The following ESPNL variants were observed in gnomAD, a reference collection of about 807,000 sequenced individuals.
ESPNL encodes the protein espin like, also known as espin-like protein.
Under a neutral mutation model 46.8 loss-of-function variants are expected in ESPNL, and 49 were observed. The observed-to-expected ratio is 1.05, with a 90% CI of 0.83 to 1.33. The LOEUF (loss-of-function observed/expected upper bound fraction) is 1.33, where lower values mean the gene tolerates loss of function less well. Among genes scored for constraint, ESPNL ranks in the 40% most tolerant of loss-of-function variants. The pLI, the probability that ESPNL is intolerant of heterozygous loss-of-function variation, is 0.00. For missense variants in ESPNL, 1,540 were observed against 1,436.6 expected (o/e 1.07, Z -1.16); for synonymous variants, 664 against 662.1 (o/e 1.00, Z -0.04).
rs994733458 is a variant in ESPNL, at chr2:238,127,660, C to T, written c.1141C>T (p.Gln381Ter). Residue 381 changes from glutamine (Q) to a stop codon, truncating the protein, a stop_gained, in exon 7 of 9, where the codon CAG (glutamine) becomes TAG (stop). Coordinates refer to ENST00000343063, the MANE Select transcript of ESPNL (RefSeq NM_194312.4). LOFTEE classifies it high-confidence loss of function. The stretch of plus-strand genomic sequence containing the variant: ...CCCGGCCTGGCCTGGCCATCCTGAC[C>T]AGCCTCTTCCCAGGGAGCAGATGAC... ...LSPAWPGHPD[Q>*]PLPREQMTSP... The T allele has an allele frequency of 6.2e-7, 1 of 1,612,538 alleles. No individual in the cohort carries two copies. The highest frequency in any genetic ancestry group is 1.3e-5 in the African/African-American group (1 of 75,012).
rs1331578813 is a variant in ESPNL at position 238,131,020 on chromosome 2, G to A, written c.2306G>A (p.Arg769His). 1.9e-5 allele frequency: 30 copies of A among 1,540,410 alleles called. No homozygotes were observed. Among genetic ancestry groups the A allele is most frequent in the Non-Finnish European group, 2.4e-5 (27 of 1,143,996 alleles). The change falls in exon 9 of 9, where the codon CGC becomes CAC. Residue 769 changes from arginine (R) to histidine (H), a missense_variant. Physicochemically the swap from Arg to His is conservative, Grantham distance 29. Transcript: ENST00000343063. ...GTGGCCTGCAGGACCCTAGGAGCCCGCCACGCGGGGTTGCGGGGCCAGGAG... is the reference window on the plus strand; with the variant it reads ...GTGGCCTGCAGGACCCTAGGAGCCCACCACGCGGGGTTGCGGGGCCAGGAG... The part of the protein sequence containing the change: ...KTVACRTLGA[R>H]HAGLRGQEAA...
chr2:238,103,656 T>C (rs1209399412), intron 2 of ESPNL, among the ~76,000 whole-genome samples: 2 of 152,144 alleles, frequency 1.3e-5, no homozygotes, highest in Non-Finnish European at 2.9e-5. Flanking sequence ...CACCACCTGT[T>C]CCAACCCTGG....
In ESPNL at chr2:238,123,809, C is replaced by A. The variant is rs185406420; in HGVS notation, c.988-1461C>A. On this transcript the variant is annotated intron_variant, in intron 5 of 8. Transcript: ENST00000343063. Reference sequence around the variant, plus strand: ...GTTCCTGGGCTGTGGGCACAGATTCCTGGAAGGAGTGAGGTGCGTGGGGGC... The same window carrying A: ...GTTCCTGGGCTGTGGGCACAGATTCATGGAAGGAGTGAGGTGCGTGGGGGC... 3.0e-3 allele frequency among the ~76,000 whole-genome samples: 454 copies of A among 152,302 alleles called. 3 individuals carry two copies. The highest frequency in any genetic ancestry group is 6.6e-3 in the African/African-American group (276 of 41,562).
chr2:238,122,520 G>A (rs758588488), intron 5 of ESPNL, among the ~76,000 whole-genome samples: 12 of 152,206 alleles, frequency 7.9e-5, no homozygotes, highest in Admixed American at 3.9e-4. Flanking sequence ...CAGGGACCTC[G>A]AGTAAGGTCC....
In ESPNL at chr2:238,130,962, A is replaced by C; in HGVS notation, c.2248A>C (p.Arg750=). 6.5e-7 allele frequency: 1 copy of C among 1,549,572 alleles called. No individual in the cohort carries two copies. Among genetic ancestry groups the C allele is most frequent in the Non-Finnish European group, 8.7e-7 (1 of 1,147,664 alleles). The change falls in exon 9 of 9, where the codon AGG becomes CGG. Residue 750 remains arginine, a synonymous_variant. Coordinates refer to ENST00000343063, the MANE Select transcript of ESPNL (RefSeq NM_194312.4). ...RIIMLFLSHW[R]RSAYTPALKT... ...CATCATGCTCTTCCTCAGCCACTGGAGGAGATCGGCCTACACGCCGGCCCT... is the reference window on the plus strand; with the variant it reads ...CATCATGCTCTTCCTCAGCCACTGGCGGAGATCGGCCTACACGCCGGCCCT...
In ESPNL at chr2:238,130,860, A is replaced by C. The variant is rs1692305550; in HGVS notation, c.2146A>C (p.Ile716Leu). Residue 716 changes from isoleucine (I) to leucine (L), a missense_variant, in exon 9 of 9, where the codon ATC becomes CTC. Transcript: ENST00000343063. ...CACAGAGGAGGCCAGCGACTCTGGC[A>C]TCAGCTGCGAGGAGGTGCCATCAGA... ...GDTEEASDSG[I>L]SCEEVPSEAG... The C allele has an allele frequency of 6.4e-7, 1 of 1,554,770 alleles. No individual in the cohort carries two copies. The highest frequency in any genetic ancestry group is 1.9e-5 in the Admixed American group (1 of 52,286).
rs202227187 is a variant in ESPNL, at chr2:238,131,223, G to C, written c.2509G>C (p.Glu837Gln). The stretch of plus-strand genomic sequence containing the variant: ...GCAGCCCCGCGGGGCTTTGTCCCCC[G>C]AGCAGTTCCTGCCCCACGTGGACGG... ...SRQPRGALSP[E>Q]QFLPHVDGAP... Residue 837 changes from glutamate (E) to glutamine (Q), a missense_variant, in exon 9 of 9, where the codon GAG (glutamate) becomes CAG (glutamine). Physicochemically the swap from Glu to Gln is conservative, Grantham distance 29 (BLOSUM62 2). Coordinates refer to ENST00000343063, the MANE Select transcript of ESPNL (RefSeq NM_194312.4). 1 of 1,553,726 alleles carries C rather than the reference G, an allele frequency of 6.4e-7. No individual in the cohort carries two copies. The highest frequency in any genetic ancestry group is 8.7e-7 in the Non-Finnish European group (1 of 1,152,488).
rs576614739 is a variant in ESPNL at position 238,114,521 on chromosome 2, T to C, written c.856-2382T>C. ...TCTCCAGCGACTGGCTTCAGCGACC[T>C]GCCCCAGCCTCCCCAGCCCCGGTGT... On this transcript the variant is annotated intron_variant, in intron 4 of 8. Transcript: ENST00000343063. This position sits in a 1 kb window ranked among gnomAD's most constrained non-coding sequence, Gnocchi z 5.0. Among the ~76,000 whole-genome samples, 1 of 152,226 alleles carries C rather than the reference T, an allele frequency of 6.6e-6. No individual in the cohort carries two copies. The highest frequency in any genetic ancestry group is 1.5e-5 in the Non-Finnish European group (1 of 67,994).
At position 238,130,716 on chromosome 2, in the gene ESPNL, G is replaced by A; in HGVS notation, c.2002G>A (p.Gly668Ser). The change falls in exon 9 of 9, where the codon GGC becomes AGC. Residue 668 changes from glycine to serine, a missense_variant. Coordinates refer to ENST00000343063, the MANE Select transcript of ESPNL (RefSeq NM_194312.4). Reference sequence around the variant, plus strand: ...CGAGTCGGCCTCTGGCCCACTCTGTGGCTTCAACCCTGGCCCCTGCGAGCC... The same window carrying A: ...CGAGTCGGCCTCTGGCCCACTCTGTAGCTTCAACCCTGGCCCCTGCGAGCC... ...NFESASGPLC[G>S]FNPGPCEPGA... is the part of the protein sequence containing the mutation. The A allele has an allele frequency of 6.4e-7, 1 of 1,567,998 alleles. No individual in the cohort carries two copies. Among genetic ancestry groups the A allele is most frequent in the Non-Finnish European group, 8.6e-7 (1 of 1,159,032 alleles).
chr2:238,130,024 C>CAG, intron 8 of ESPNL, 104 bp from the exon 9 acceptor site: 1 of 1,321,904 alleles, frequency 7.6e-7, no homozygotes, highest in Non-Finnish European at 1.0e-6. Flanking sequence ...GGGGCAGGAC[C>CAG]AGAGGCTCTG....
rs1434943434 is a variant in ESPNL, at chr2:238,132,848, A to T, written c.*1116A>T. On this transcript the variant is annotated 3_prime_UTR_variant, in exon 9 of 9. Coordinates refer to ENST00000343063, the MANE Select transcript of ESPNL (RefSeq NM_194312.4). ...TTGGAGGTGGGGCTCTGCAGCTGTGAGATGGCCCAGCAGGGAGTGGCAGGG... is the reference window on the plus strand; with the variant it reads ...TTGGAGGTGGGGCTCTGCAGCTGTGTGATGGCCCAGCAGGGAGTGGCAGGG... 2 of 152,354 alleles carry T rather than the reference A, an allele frequency of 1.3e-5. No individual in the cohort carries two copies. Among genetic ancestry groups the T allele is most frequent in the African/African-American group, 4.8e-5 (2 of 41,430 alleles). The allele number at this position is 152,354 out of a possible 1,614,324, so 9.4% of individuals were successfully genotyped here. A position where few individuals can be genotyped will look rare whatever the true frequency, so the allele number is the denominator to read the frequency against.
chr2:238,125,367 G>A lies in ESPNL; in HGVS notation c.1085G>A (p.Gly362Glu). ...GAGGATGGAAGAAGAGGAGGCCCAG[G>A]GCCAGGGAACCCCAGCCGTGAGTGC... ...SLEDGRRGGP[G>E]PGNPSPMSLS... Residue 362 changes from glycine to glutamate, a missense_variant, in exon 6 of 9, where the codon GGG (glycine) becomes GAG (glutamate). Gly to Glu is a moderately conservative substitution (Grantham distance 98). Transcript: ENST00000343063. 2 of 1,562,760 alleles carry A rather than the reference G, an allele frequency of 1.3e-6. No individual in the cohort carries two copies. The highest frequency in any genetic ancestry group is 1.2e-5 in the South Asian group (1 of 84,060).
chr2:238,122,305 A>G (rs1168808015), intron 5 of ESPNL, among the ~76,000 whole-genome samples: 2 of 152,250 alleles, frequency 1.3e-5, no homozygotes, highest in African/African-American at 4.8e-5. Context: ...CAGACTTCTC[A>G]TCCCTGTTAA....
intron 5 of ESPNL, among the ~76,000 whole-genome samples, chr2:238,122,235 A>G (rs1327992442): frequency 6.6e-6 from 1 of 152,238 alleles, no homozygotes; most frequent in Non-Finnish European, 1.5e-5. Flanking sequence ...CATCGTGTCC[A>G]GGGCCTTCCT....
intron 1 of ESPNL, 70 bp from the exon 2 acceptor site, chr2:238,101,871 C>A: frequency 8.3e-7 from 1 of 1,211,858 alleles, no homozygotes; most frequent in South Asian, 1.3e-5. Flanking sequence ...TCGCCCAGGG[C>A]CCACCTCCGG....
chr2:238,112,400 T>C (rs1308613715), intron 4 of ESPNL, among the ~76,000 whole-genome samples: 2 of 152,266 alleles, frequency 1.3e-5, no homozygotes, highest in East Asian at 3.8e-4. Flanking sequence ...TTTGTGTTTC[T>C]TTTTTTGTCT....
intron 6 of ESPNL, among the ~76,000 whole-genome samples, chr2:238,126,525 ATC>A (rs1692121509): frequency 4.9e-5 from 7 of 142,912 alleles, no homozygotes; most frequent in South Asian, 2.2e-4. Context: ...GTGTCTATGC[ATC>A]TGTGTGTGAT....
At chr2:238,120,953 G>C (rs1305556307) in intron 5 of ESPNL, among the ~76,000 whole-genome samples, 1 of 152,214 alleles carries the variant, frequency 6.6e-6, no homozygotes, top group Non-Finnish European at 1.5e-5. Context: ...CAGGGGACTC[G>C]TGCATTCCAA....
chr2:238,119,549 G>GAA (rs1264834192), intron 5 of ESPNL, among the ~76,000 whole-genome samples: 41 of 125,170 alleles, frequency 3.3e-4, no homozygotes, highest in African/African-American at 1.1e-3. Context: ...GATGGAGGAG[G>GAA]TGGATGAAGG....
Sources: gnomAD v4.1 joint callset for allele counts (sites outside exome capture counted in the v4.1 genomes callset) on GRCh38, gnomAD v4.1.1 for gene constraint, Gnocchi (gnomAD v3.1) non-coding constraint, MANE v1.5 for transcripts, NCBI Gene and HGNC (gene_info 2026-07-23, HGNC 2026-07-21) for gene names.